The following CDH8 variants were observed in gnomAD, a reference collection of about 807,000 sequenced individuals.
CDH8 encodes the protein cadherin-8.
Under a neutral mutation model 68.1 loss-of-function variants are expected in CDH8, and 17 were observed. The observed-to-expected ratio is 0.25, with a 90% CI of 0.17 to 0.37. The LOEUF is 0.37. Ranked by LOEUF, CDH8 falls within the 10% of genes least tolerant of loss-of-function variation. The probability of loss-of-function intolerance (pLI) is 1.00; values close to 1 mark genes in which losing one functional copy is unlikely to be tolerated. For missense variants in CDH8, 763 were observed against 999.3 expected, an observed-to-expected ratio of 0.76 and a Z score of 3.19; for synonymous variants, 372 against 365.1, an observed-to-expected ratio of 1.02 and a Z score of -0.21.
At chr16:61,818,165 G>A (rs1962124389) in intron 6 of CDH8, 2 of 159,798 alleles carry the variant, frequency 1.3e-5, no homozygotes, top group Admixed American at 5.9e-5. Context: ...CTGCAACAGA[G>A]TGTGAAATGT....
intron 3 of CDH8, among the ~76,000 whole-genome samples, chr16:61,889,743 T>C (rs1963741263): frequency 6.6e-6 from 1 of 152,188 alleles, no homozygotes; most frequent in Non-Finnish European, 1.5e-5. Flanking sequence ...TAGACACACA[T>C]GTGGCTTGAA....
At chr16:61,701,137 G>A (rs956915437) in intron 10 of CDH8, among the ~76,000 whole-genome samples, 4 of 152,164 alleles carry the variant, frequency 2.6e-5, no homozygotes, top group African/African-American at 9.7e-5. Context: ...TGTGATTTCA[G>A]GCCACTGGGA....
chr16:61,964,174 G>A (rs1430973589), intron 2 of CDH8, among the ~76,000 whole-genome samples: 1 of 152,126 alleles, frequency 6.6e-6, no homozygotes, highest in Non-Finnish European at 1.5e-5. Context: ...AATGTCTAAA[G>A]ACCAAAACAT....
intron 8 of CDH8, among the ~76,000 whole-genome samples, chr16:61,782,771 G>A (rs1041610493): frequency 1.3e-5 from 2 of 152,142 alleles, no homozygotes; most frequent in African/African-American, 4.8e-5. Context: ...CCTCAAGTGG[G>A]TCCCTGACCC....
chr16:61,751,699 C>T, intron 8 of CDH8, among the ~76,000 whole-genome samples: 1 of 151,956 alleles, frequency 6.6e-6, no homozygotes, highest in Non-Finnish European at 1.5e-5. Context: ...CTTTTGGTGT[C>T]GCAGGAAACA....
intron 4 of CDH8, among the ~76,000 whole-genome samples, chr16:61,846,268 T>C (rs934490650): frequency 6.6e-6 from 1 of 152,156 alleles, no homozygotes; most frequent in Non-Finnish European, 1.5e-5. Context: ...TTGCCTTATA[T>C]GTTTCCTTTA....
chr16:61,837,943 G>A (rs1279084143), intron 4 of CDH8, among the ~76,000 whole-genome samples: 1 of 151,958 alleles, frequency 6.6e-6, no homozygotes, highest in African/African-American at 2.4e-5. Flanking sequence ...TTGGAGGGAA[G>A]CCGGAGGCAA....
chr16:61,804,348 T>A (rs1486664709), intron 7 of CDH8, among the ~76,000 whole-genome samples: 1 of 151,974 alleles, frequency 6.6e-6, no homozygotes, highest in African/African-American at 2.4e-5. Flanking sequence ...TAGCACTAAA[T>A]GCCCACAAGA....
chr16:61,985,667 T>C (rs1036385288), intron 2 of CDH8, among the ~76,000 whole-genome samples: 2 of 152,050 alleles, frequency 1.3e-5, no homozygotes, highest in African/African-American at 4.8e-5. Flanking sequence ...TAATTTTGTA[T>C]TTTTAGTAGA....
At chr16:61,863,381 T>A (rs1963190993) in intron 3 of CDH8, among the ~76,000 whole-genome samples, 1 of 152,104 alleles carries the variant, frequency 6.6e-6, no homozygotes, top group Admixed American at 6.6e-5. Flanking sequence ...GATGCTACAC[T>A]GTCGGGGTGG....
chr16:61,662,278 T>C (rs1191539029), intron 10 of CDH8, among the ~76,000 whole-genome samples: 1 of 151,790 alleles, frequency 6.6e-6, no homozygotes, highest in Non-Finnish European at 1.5e-5. Flanking sequence ...TATCATCTTC[T>C]TGTCTCTGAA....
In CDH8 at chr16:61,858,307, C is replaced by T. The variant is rs141526126; in HGVS notation, c.548-1069G>A. 5.5e-3 allele frequency among the ~76,000 whole-genome samples: 838 copies of T among 152,116 alleles called. 6 individuals carry two copies. The highest frequency in any genetic ancestry group is 0.019 in the African/African-American group (806 of 41,506). On this transcript the variant is annotated intron_variant, in intron 3 of 11. Transcript: ENST00000577390. ...TCATCAAAGAAAGGTAGAGTTTAAC[C>T]AGGAGAAGGAATTCTAAGCAAGAAC...
At chr16:61,927,793 G>A (rs373173078) in intron 2 of CDH8, among the ~76,000 whole-genome samples, 3 of 152,190 alleles carry the variant, frequency 2.0e-5, no homozygotes, top group East Asian at 3.8e-4. Context: ...CATGGCTACC[G>A]CATGATACTG....
chr16:61,754,801 C>T (rs1297727677), intron 8 of CDH8, among the ~76,000 whole-genome samples: 1 of 151,982 alleles, frequency 6.6e-6, no homozygotes, highest in African/African-American at 2.4e-5. Flanking sequence ...CAGAGGGGGA[C>T]ATATGCAGGT....
intron 2 of CDH8, among the ~76,000 whole-genome samples, chr16:61,977,354 C>T (rs1005871723): frequency 6.6e-6 from 1 of 152,116 alleles, no homozygotes; most frequent in Non-Finnish European, 1.5e-5. Context: ...GGAAACAGTA[C>T]TATAATAAGG....
At chr16:61,767,436 G>GATA (rs1424681928) in intron 8 of CDH8, among the ~76,000 whole-genome samples, 1 of 151,914 alleles carries the variant, frequency 6.6e-6, no homozygotes, top group Non-Finnish European at 1.5e-5. Flanking sequence ...TGAAACGCAG[G>GATA]ATAATAATAC....
intron 8 of CDH8, among the ~76,000 whole-genome samples, chr16:61,760,343 A>G (rs1960431155): frequency 6.6e-6 from 1 of 151,634 alleles, no homozygotes; most frequent in African/African-American, 2.4e-5. Flanking sequence ...ACAGAGTCTC[A>G]CTCAGTCGCC....
chr16:61,653,249 A>ATT lies in CDH8; in HGVS notation c.*357_*358dup. 1 of 1,165,558 alleles carries ATT rather than the reference A, an allele frequency of 8.6e-7. No individual in the cohort carries two copies. Among genetic ancestry groups the ATT allele is most frequent in the Non-Finnish European group, 1.1e-6 (1 of 947,018 alleles). 72.2% of individuals were successfully genotyped at this position (1,165,558 alleles called of 1,614,324 possible). Reference sequence around the variant, plus strand: ...AGCAGCAGATTCCTTGCAGGTCCGTATTTTTTTTTCTAAGAAAGCACCTTT... The same window carrying ATT: ...AGCAGCAGATTCCTTGCAGGTCCGTATTTTTTTTTTTCTAAGAAAGCACCTTT... On this transcript the variant is annotated 3_prime_UTR_variant, in exon 12 of 12. Coordinates refer to ENST00000577390, the MANE Select transcript of CDH8 (RefSeq NM_001796.5).
At chr16:61,674,895 A>G (rs1223695328) in intron 10 of CDH8, among the ~76,000 whole-genome samples, 1 of 151,776 alleles carries the variant, frequency 6.6e-6, no homozygotes, top group Non-Finnish European at 1.5e-5. Flanking sequence ...GAATTTGAAG[A>G]CATTGCAATA....
Sources: gnomAD v4.1 joint callset for allele counts (sites outside exome capture counted in the v4.1 genomes callset) on GRCh38, gnomAD v4.1.1 for gene constraint, MANE v1.5 for transcripts, NCBI Gene and HGNC (gene_info 2026-07-23, HGNC 2026-07-21) for gene names.